HIPK1: variants seen among roughly 807,000 people sequenced by gnomAD.
HIPK1 encodes homeodomain interacting protein kinase 1.
Under a neutral mutation model 117.1 loss-of-function variants are expected in HIPK1, and 28 were observed. The ratio of observed to expected loss-of-function variants is 0.24; its 90% CI spans 0.18 to 0.33. HIPK1 has a LOEUF of 0.33. Ranked by LOEUF, HIPK1 falls within the 10% of genes least tolerant of loss-of-function variation. The pLI, the probability that HIPK1 is intolerant of heterozygous loss-of-function variation, is 1.00. For missense variants in HIPK1, 1,122 were observed against 1,475.1 expected (o/e 0.76, Z 3.92); for synonymous variants, 605 against 562.5 (o/e 1.08, Z -1.07).
In HIPK1 at chr1:113,940,557, C is replaced by G. The variant is rs756207640; in HGVS notation, c.174C>G (p.Ser58=). The G allele has an allele frequency of 5.6e-6, 9 of 1,614,190 alleles. No individual in the cohort carries two copies. The highest frequency in any genetic ancestry group is 4.5e-5 in the East Asian group (2 of 44,886). ...TLPATQGQAN[S]SHQVANFNIP... ...CAGCCACACAAGGGCAAGCCAACTC[C>G]TCTCACCAGGTAGCAAATTTCAACA... Residue 58 remains serine (S), a synonymous_variant, in exon 2 of 16, where the codon TCC becomes TCG. Transcript: ENST00000426820.
At position 113,963,449 on chromosome 1, in the gene HIPK1, G is replaced by A. The variant is rs1461727837; in HGVS notation, c.2166G>A (p.Gln722=). The A allele has an allele frequency of 6.2e-7, 1 of 1,614,006 alleles. No individual in the cohort carries two copies. The highest frequency in any genetic ancestry group is 1.3e-5 in the African/African-American group (1 of 75,064). ...CTCAAGTAGCCACCATCACACCGCAGTATGCGGTGCCCTTTACTCTGAGCT... is the reference window on the plus strand; with the variant it reads ...CTCAAGTAGCCACCATCACACCGCAATATGCGGTGCCCTTTACTCTGAGCT... ...LHPQVATITP[Q]YAVPFTLSCA... The change falls in exon 10 of 16, where the codon CAG becomes CAA. Residue 722 remains glutamine, a synonymous_variant. Transcript: ENST00000426820.
At chr1:113,972,572 T>C (rs925001773) in intron 15 of HIPK1, among the ~76,000 whole-genome samples, 2 of 152,246 alleles carry the variant, frequency 1.3e-5, no homozygotes, top group Admixed American at 1.3e-4. Context: ...AGAGAGCACA[T>C]GCAAGTGAAA....
In HIPK1 at chr1:113,959,401, C is replaced by T. The variant is rs575335840; in HGVS notation, c.1981+1110C>T. Among the ~76,000 whole-genome samples the T allele has an allele frequency of 5.7e-4, 87 of 152,240 alleles. 1 individual carries two copies. The highest frequency in any genetic ancestry group is 1.9e-3 in the African/African-American group (81 of 41,542). On this transcript the variant is annotated intron_variant, in intron 8 of 15. Coordinates refer to ENST00000426820, the MANE Select transcript of HIPK1 (RefSeq NM_198268.3). ...GACAGATTCAAAATCCGTAAATGCACGTTTAGCCTAACTTACCAAATTATT... is the reference window on the plus strand; with the variant it reads ...GACAGATTCAAAATCCGTAAATGCATGTTTAGCCTAACTTACCAAATTATT...
intron 8 of HIPK1, among the ~76,000 whole-genome samples, chr1:113,960,458 T>G (rs1449573388): frequency 2.0e-5 from 3 of 152,200 alleles, no homozygotes; most frequent in Admixed American, 6.5e-5. Context: ...CCAAAATAGA[T>G]AACACATTTT....
At chr1:113,951,926 G>C (rs1270897338) in intron 2 of HIPK1, among the ~76,000 whole-genome samples, 2 of 150,142 alleles carry the variant, frequency 1.3e-5, no homozygotes, top group Non-Finnish European at 3.0e-5. Context: ...TGTCATGAAG[G>C]GTTATTTATT....
chr1:113,976,842 A>G lies in HIPK1; in HGVS notation c.*3330A>G, dbSNP rs1673159683. The G allele has an allele frequency of 6.5e-6, 1 of 152,820 alleles. No homozygotes were observed. The highest frequency in any genetic ancestry group is 2.4e-5 in the African/African-American group (1 of 41,454). 9.5% of individuals were successfully genotyped at this position (152,820 alleles called of 1,614,324 possible). On this transcript the variant is annotated 3_prime_UTR_variant, in exon 16 of 16. Coordinates refer to ENST00000426820, the MANE Select transcript of HIPK1 (RefSeq NM_198268.3). ...TTTAAGTCCTCTCTCAGAACTTGGC[A>G]TTTCCAACTTCTTCCTTTCCGGGTG...
intron 9 of HIPK1, among the ~76,000 whole-genome samples, chr1:113,963,174 C>T (rs1672233725): frequency 6.6e-6 from 1 of 152,146 alleles, no homozygotes; most frequent in Non-Finnish European, 1.5e-5. Context: ...AGGAGGATTC[C>T]TATACTTCTT....
intron 2 of HIPK1, among the ~76,000 whole-genome samples, chr1:113,946,862 T>C (rs751278967): frequency 1.1e-4 from 16 of 152,218 alleles, no homozygotes; most frequent in Non-Finnish European, 2.1e-4. Flanking sequence ...ACAGTAATAC[T>C]TGATAATGAG....
rs1219161336 is a variant in HIPK1 at position 113,971,884 on chromosome 1, G to A, written c.3074G>A (p.Cys1025Tyr). 6.2e-6 allele frequency: 10 copies of A among 1,603,288 alleles called. No individual in the cohort carries two copies. The highest frequency in any genetic ancestry group is 7.7e-6 in the Non-Finnish European group (9 of 1,176,354). ...ASVSGQSSGCCITPTGYRAQR... is the reference protein window; with the variant it reads ...ASVSGQSSGCYITPTGYRAQR... ...GTGAGTGGGCAGTCATCTGGATGCT[G>A]TATCACCCCCACAGGGTATCGAGCT... The change falls in exon 15 of 16, where the codon TGT (cysteine) becomes TAT (tyrosine). Residue 1025 changes from cysteine (C) to tyrosine (Y), a missense_variant. Around this residue, in one of 6 missense-constraint regions of HIPK1, gnomAD observed 731 missense variants for 860.4 expected, o/e 0.85. Coordinates refer to ENST00000426820, the MANE Select transcript of HIPK1 (RefSeq NM_198268.3).
intron 14 of HIPK1, among the ~76,000 whole-genome samples, chr1:113,970,656 A>G (rs1672761930): frequency 1.3e-5 from 2 of 152,304 alleles, no homozygotes; most frequent in East Asian, 1.9e-4. Context: ...TGGTTTTATT[A>G]CCAACCCAAT....
chr1:113,958,361 T>G, intron 8 of HIPK1, 70 bp downstream of exon 8: 1 of 1,044,606 alleles, frequency 9.6e-7, no homozygotes, highest in Non-Finnish European at 1.4e-6. Flanking sequence ...CTCTAGTTGT[T>G]TAGTTCTGAT....
At chr1:113,971,029 T>G (rs911779920) in intron 14 of HIPK1, among the ~76,000 whole-genome samples, 1 of 152,206 alleles carries the variant, frequency 6.6e-6, no homozygotes, top group Non-Finnish European at 1.5e-5. Context: ...AAGGGGTTGG[T>G]GAAGTTTAGG....
chr1:113,939,383 A>G (rs1333150808), intron 1 of HIPK1, among the ~76,000 whole-genome samples: 1 of 148,810 alleles, frequency 6.7e-6, no homozygotes, highest in Non-Finnish European at 1.5e-5. Flanking sequence ...CGGTTTCACC[A>G]TGTTGCCCAG....
At chr1:113,970,447 A>T (rs1404084632) in intron 14 of HIPK1, among the ~76,000 whole-genome samples, 1 of 152,242 alleles carries the variant, frequency 6.6e-6, no homozygotes, top group Non-Finnish European at 1.5e-5. Context: ...TTCAGTGCTG[A>T]TGGGAGAAAG....
At chr1:113,967,981 G>A in intron 12 of HIPK1, 33 bp downstream of exon 12, 1 of 1,574,248 alleles carries the variant, frequency 6.4e-7, no homozygotes, top group Non-Finnish European at 8.6e-7. Flanking sequence ...AGTTAAAACT[G>A]TGCCAGTTTG....
intron 13 of HIPK1, among the ~76,000 whole-genome samples, chr1:113,969,653 C>T (rs372896702): frequency 6.6e-6 from 1 of 152,106 alleles, no homozygotes; most frequent in Non-Finnish European, 1.5e-5. Context: ...CTCATGCCTG[C>T]AATCCTAGCA....
chr1:113,960,179 T>A (rs543322043), intron 8 of HIPK1, among the ~76,000 whole-genome samples: 1 of 152,348 alleles, frequency 6.6e-6, no homozygotes, highest in Non-Finnish European at 1.5e-5. Context: ...GGAGGATAGA[T>A]CCTCATCAGT....
chr1:113,957,302 T>G lies in HIPK1; in HGVS notation c.1755+16T>G. On this transcript the variant is annotated intron_variant, in intron 7 of 15. Coordinates refer to ENST00000426820, the MANE Select transcript of HIPK1 (RefSeq NM_198268.3). ...GCACAATCAGGTATTCAATAAATAA[T>G]TTTGGAAACTCAAGCTTAAGTGGGA... The G allele has an allele frequency of 6.3e-7, 1 of 1,596,732 alleles. No homozygotes were observed.
intron 3 of HIPK1, among the ~76,000 whole-genome samples, chr1:113,953,246 C>T (rs1223461969): frequency 1.3e-5 from 2 of 152,122 alleles, no homozygotes; most frequent in East Asian, 1.9e-4. Flanking sequence ...CTTCTACTTA[C>T]TCGGAGCTAT....
Sources: allele counts gnomAD v4.1 joint callset (sites outside exome capture counted in the v4.1 genomes callset), GRCh38; gene constraint gnomAD v4.1.1; regional missense constraint gnomAD v4.1.1; transcripts MANE v1.5; gene names NCBI Gene and HGNC (gene_info 2026-07-23, HGNC 2026-07-21).